DPYD: variants seen among roughly 807,000 people sequenced by gnomAD.
The protein encoded by DPYD is dihydropyrimidine dehydrogenase.
In DPYD, 109 loss-of-function variants were observed where a neutral mutation model predicts 116.2. The ratio of observed to expected loss-of-function variants is 0.94; its 90% CI spans 0.80 to 1.10. The LOEUF is 1.10. Ranked by LOEUF, DPYD falls within the 50% of genes least tolerant of loss-of-function variation. The pLI is 0.00. For synonymous variants in DPYD, 440 were observed against 432.0 expected (o/e 1.02, Z -0.23); for missense variants, 1,302 against 1,254.5 (o/e 1.04, Z -0.57).
chr1:97,183,479 C>A (rs6681743), intron 20 of DPYD, among the ~76,000 whole-genome samples: 8,876 of 152,072 alleles, frequency 0.058, 801 homozygotes, highest in African/African-American at 0.19. Flanking sequence ...CCCTGACACC[C>A]AAACACACTT....
chr1:97,817,925 C>T (rs1398314531), intron 3 of DPYD, among the ~76,000 whole-genome samples: 1 of 152,002 alleles, frequency 6.6e-6, no homozygotes, highest in Non-Finnish European at 1.5e-5. Context: ...ATTAGCTGCT[C>T]ATTCAAAGTC....
At chr1:97,092,267 G>A (rs892585708) in intron 21 of DPYD, among the ~76,000 whole-genome samples, 2 of 152,090 alleles carry the variant, frequency 1.3e-5, no homozygotes, top group Non-Finnish European at 2.9e-5. Context: ...CTATAGTACC[G>A]GAACATAGTG....
At chr1:97,160,711 G>A (rs938275621) in intron 20 of DPYD, among the ~76,000 whole-genome samples, 3 of 152,120 alleles carry the variant, frequency 2.0e-5, no homozygotes, top group Non-Finnish European at 4.4e-5. Context: ...AGTCAGTGGG[G>A]AGCAGAAAGT....
chr1:97,532,011 G>C (rs1318589729), intron 12 of DPYD, among the ~76,000 whole-genome samples: 3 of 151,792 alleles, frequency 2.0e-5, no homozygotes, highest in Non-Finnish European at 4.4e-5. Flanking sequence ...TCCAGTTTTT[G>C]TGTGTGTGTG....
chr1:97,733,841 T>C lies in DPYD; in HGVS notation c.321+6551A>G, dbSNP rs546404855. 4.0e-4 allele frequency among the ~76,000 whole-genome samples: 61 copies of C among 152,142 alleles called. 1 individual carries two copies. Among genetic ancestry groups the C allele is most frequent in the Admixed American group, 3.7e-3 (57 of 15,290 alleles). On this transcript the variant is annotated intron_variant, in intron 4 of 22. Coordinates refer to ENST00000370192, the MANE Select transcript of DPYD (RefSeq NM_000110.4). ...GGGGTTTACTTTTCAACTTCAACAA[T>C]TTGATGAGAGAAAACTGGTATCTCA...
chr1:97,798,849 T>C (rs557930818), intron 3 of DPYD, among the ~76,000 whole-genome samples: 6 of 152,078 alleles, frequency 3.9e-5, no homozygotes, highest in African/African-American at 1.4e-4. Context: ...TCAGAAACAT[T>C]TGTTAAGTAT....
At chr1:97,694,756 A>G (rs1421123148) in intron 6 of DPYD, among the ~76,000 whole-genome samples, 1 of 152,066 alleles carries the variant, frequency 6.6e-6, no homozygotes, top group Non-Finnish European at 1.5e-5. Context: ...CCATTATAAA[A>G]CTTACTAAAG....
At chr1:97,375,142 G>T (rs1671541430) in intron 15 of DPYD, among the ~76,000 whole-genome samples, 1 of 152,024 alleles carries the variant, frequency 6.6e-6, no homozygotes, top group South Asian at 2.1e-4. Flanking sequence ...CAGTGCCGCG[G>T]TTTATTTTTC....
chr1:97,354,179 G>T (rs1670295442), intron 16 of DPYD, among the ~76,000 whole-genome samples: 1 of 152,212 alleles, frequency 6.6e-6, no homozygotes, highest in Non-Finnish European at 1.5e-5. Context: ...GGACATTAGG[G>T]CATTTGTAAT....
intron 3 of DPYD, among the ~76,000 whole-genome samples, chr1:97,750,452 G>C (rs1341664985): frequency 1.3e-5 from 2 of 151,954 alleles, no homozygotes; most frequent in African/African-American, 4.8e-5. Flanking sequence ...CTAAGATTTG[G>C]GATAGATTTT....
chr1:97,919,892 G>A (rs148190042), intron 1 of DPYD, among the ~76,000 whole-genome samples: 87 of 152,246 alleles, frequency 5.7e-4, no homozygotes, highest in Middle Eastern at 3.4e-3. Flanking sequence ...CAATTACGGA[G>A]GCAAAATGTG....
At chr1:97,590,848 C>T (rs945969939) in intron 10 of DPYD, among the ~76,000 whole-genome samples, 1 of 152,214 alleles carries the variant, frequency 6.6e-6, no homozygotes. Flanking sequence ...TCTGATGCCA[C>T]TCCACTATAG....
chr1:97,707,290 A>G (rs376281789), intron 5 of DPYD, among the ~76,000 whole-genome samples: 41 of 151,902 alleles, frequency 2.7e-4, no homozygotes, highest in African/African-American at 8.5e-4. Context: ...GCAGCTTATG[A>G]GCATATATTT....
In DPYD at chr1:97,556,912, A is replaced by T. The variant is rs1332219019; in HGVS notation, c.1340-7168T>A. On this transcript the variant is annotated intron_variant, in intron 11 of 22. Transcript: ENST00000370192. ...GGTCAAATGGTATTTCCAGTTCTAG[A>T]TCCCTGAGGAATTGCCACACTGACT... 2.0e-5 allele frequency among the ~76,000 whole-genome samples: 3 copies of T among 150,240 alleles called. No homozygotes were observed. In the East Asian group the frequency reaches 5.9e-4, roughly 30 times the overall value.
intron 13 of DPYD, among the ~76,000 whole-genome samples, chr1:97,508,486 C>G: frequency 6.6e-6 from 1 of 151,924 alleles, no homozygotes; most frequent in East Asian, 1.9e-4. Flanking sequence ...TGTATTCTCT[C>G]TGAAATTGCA....
intron 12 of DPYD, among the ~76,000 whole-genome samples, chr1:97,517,458 T>C (rs1648314277): frequency 6.6e-6 from 1 of 152,078 alleles, no homozygotes; most frequent in African/African-American, 2.4e-5. Context: ...AAACCGAATA[T>C]ATACGATATC....
Position 97,505,434 on chromosome 1 carries a change from A to T in DPYD, c.1740+10292T>A, listed in dbSNP as rs141395459. On this transcript the variant is annotated intron_variant, in intron 13 of 22. Transcript: ENST00000370192. ...CTTCTCCCTAGAATAAAGACAGTTC[A>T]AATGTGAAGAAAATAAAAAAATAAA... Among the ~76,000 whole-genome samples, 21 of 152,010 alleles carry T rather than the reference A, an allele frequency of 1.4e-4. 1 individual carries two copies. The highest frequency in any genetic ancestry group is 1.4e-3 in the Admixed American group (21 of 15,252).
chr1:97,235,240 C>T (rs976521095), intron 18 of DPYD, among the ~76,000 whole-genome samples: 3 of 152,130 alleles, frequency 2.0e-5, no homozygotes, highest in Admixed American at 6.5e-5. Context: ...ACATGTTATA[C>T]AAGTAGGTAT....
intron 14 of DPYD, among the ~76,000 whole-genome samples, chr1:97,424,757 A>T (rs1171468870): frequency 6.6e-6 from 1 of 151,984 alleles, no homozygotes; most frequent in East Asian, 1.9e-4. Flanking sequence ...TTCTGCCCAC[A>T]GTGAACTGAA....
Sources: gnomAD v4.1 joint callset for allele counts (sites outside exome capture counted in the v4.1 genomes callset) on GRCh38, gnomAD v4.1.1 for gene constraint, MANE v1.5 for transcripts, NCBI Gene and HGNC (gene_info 2026-07-23, HGNC 2026-07-21) for gene names.